ELMO1: variants seen among roughly 807,000 people sequenced by gnomAD.
ELMO1 encodes engulfment and cell motility 1.
In ELMO1, 26 loss-of-function variants were observed where a neutral mutation model predicts 98.9. That is an observed-to-expected ratio of 0.26 (90% CI 0.19 to 0.36). The LOEUF (loss-of-function observed/expected upper bound fraction) is 0.36, where lower values mean the gene tolerates loss of function less well. ELMO1 is among the 10% of genes least tolerant of loss of function. ELMO1 has a pLI of 1.00. For synonymous variants in ELMO1, 346 were observed against 346.0 expected, an observed-to-expected ratio of 1.00 and a Z score of 0.00; for missense variants, 627 against 935.2, an observed-to-expected ratio of 0.67 and a Z score of 4.30.
intron 7 of ELMO1, among the ~76,000 whole-genome samples, chr7:37,238,601 G>A (rs1348358725): frequency 2.6e-5 from 4 of 152,152 alleles, no homozygotes; most frequent in African/African-American, 4.8e-5. Context: ...GAACAGAACT[G>A]CAGAAAGCAA....
intron 13 of ELMO1, among the ~76,000 whole-genome samples, chr7:37,138,212 G>C (rs1787388610): frequency 6.6e-6 from 1 of 151,180 alleles, no homozygotes; most frequent in East Asian, 1.9e-4. Context: ...GAAGATCAGA[G>C]CAGAACTAAA....
At chr7:37,331,907 C>T (rs1224465695) in intron 2 of ELMO1, among the ~76,000 whole-genome samples, 3 of 6,576 alleles carry the variant, frequency 4.6e-4, no homozygotes, top group African/African-American at 2.2e-3. Context: ...GTGGGAGGAA[C>T]AACAAGGACC....
At chr7:37,159,297 A>G (rs1789030641) in intron 13 of ELMO1, among the ~76,000 whole-genome samples, 1 of 152,238 alleles carries the variant, frequency 6.6e-6, no homozygotes, top group Admixed American at 6.5e-5. Context: ...AACTTAAAGT[A>G]TAATAATAAA....
intron 13 of ELMO1, among the ~76,000 whole-genome samples, chr7:37,152,067 A>T (rs146200845): frequency 1.5e-4 from 23 of 152,338 alleles, no homozygotes; most frequent in African/African-American, 4.3e-4. Flanking sequence ...GGTAAATAGC[A>T]TGTGAATGCC....
At chr7:37,327,161 C>T (rs1484714193) in intron 2 of ELMO1, among the ~76,000 whole-genome samples, 1 of 152,186 alleles carries the variant, frequency 6.6e-6, no homozygotes, top group African/African-American at 2.4e-5. Flanking sequence ...CACAGAAGGC[C>T]ACTGCACTCC....
intron 16 of ELMO1, among the ~76,000 whole-genome samples, chr7:36,947,269 A>G (rs1267110223): frequency 6.6e-6 from 1 of 152,246 alleles, no homozygotes; most frequent in African/African-American, 2.4e-5. Flanking sequence ...TGAGCAGGAC[A>G]GTATCTCCAT....
At chr7:37,159,898 G>C (rs1411419018) in intron 13 of ELMO1, among the ~76,000 whole-genome samples, 1 of 152,106 alleles carries the variant, frequency 6.6e-6, no homozygotes, top group African/African-American at 2.4e-5. Context: ...CTGAGTGGTA[G>C]GCACATACAT....
At chr7:37,295,685 T>C (rs1382484028) in intron 4 of ELMO1, among the ~76,000 whole-genome samples, 2 of 152,168 alleles carry the variant, frequency 1.3e-5, no homozygotes, top group Admixed American at 6.5e-5. Context: ...TTTCAAATAA[T>C]GGAAACTTTT....
chr7:37,025,919 A>ATCTG (rs1342627959), intron 15 of ELMO1, among the ~76,000 whole-genome samples: 1 of 149,374 alleles, frequency 6.7e-6, no homozygotes, highest in Non-Finnish European at 1.5e-5. Flanking sequence ...CTATCTATCT[A>ATCTG]TCTATCTATC....
intron 15 of ELMO1, among the ~76,000 whole-genome samples, chr7:37,074,643 T>C (rs1044556140): frequency 3.9e-5 from 6 of 152,210 alleles, no homozygotes; most frequent in Non-Finnish European, 8.8e-5. Context: ...TGAATTATAC[T>C]TAGCCTGGAT....
chr7:37,309,568 C>T (rs545381569), intron 4 of ELMO1, among the ~76,000 whole-genome samples: 1 of 152,284 alleles, frequency 6.6e-6, no homozygotes, highest in East Asian at 1.9e-4. Context: ...CCAAAGGCAG[C>T]ACGAAAGGGA....
chr7:37,344,393 AAGAG>A (rs2131268886), intron 1 of ELMO1, among the ~76,000 whole-genome samples: 1 of 152,224 alleles, frequency 6.6e-6, no homozygotes, highest in South Asian at 2.1e-4. Flanking sequence ...TGTTAGTACA[AAGAG>A]AGCATCTTGA....
chr7:36,941,770 T>C (rs983518312), intron 16 of ELMO1, among the ~76,000 whole-genome samples: 1 of 152,150 alleles, frequency 6.6e-6, no homozygotes, highest in African/African-American at 2.4e-5. Flanking sequence ...TTTCAAAGGA[T>C]TGAACTCATC....
intron 1 of ELMO1, chr7:37,375,841 A>G (rs1802318339): frequency 2.7e-6 from 2 of 753,332 alleles, no homozygotes; most frequent in South Asian, 1.4e-5. Flanking sequence ...GCCTCGGCCT[A>G]AAGGTCTGGA....
At chr7:37,433,691 G>A (rs373892113) in intron 1 of ELMO1, among the ~76,000 whole-genome samples, 1 of 152,026 alleles carries the variant, frequency 6.6e-6, no homozygotes, top group African/African-American at 2.4e-5. Flanking sequence ...ACTTGAACAC[G>A]GGCCCCAGGG....
intron 15 of ELMO1, among the ~76,000 whole-genome samples, chr7:37,064,298 ATAGAGAAAATTGAACCATTG>A: frequency 6.6e-6 from 1 of 152,286 alleles, no homozygotes; most frequent in African/African-American, 2.4e-5. Flanking sequence ...TGCATCCTTC[ATAGAGAAAATTGAACCATTG>A]GTATGGAGCT....
At chr7:37,362,708 T>C (rs1177744946) in intron 1 of ELMO1, among the ~76,000 whole-genome samples, 1 of 152,166 alleles carries the variant, frequency 6.6e-6, no homozygotes, top group Non-Finnish European at 1.5e-5. Flanking sequence ...AAAACTGAAC[T>C]CTTTCCTCCA....
intron 13 of ELMO1, 85 bp from the exon 14 acceptor site, chr7:37,133,319 T>G: frequency 1.0e-6 from 1 of 1,004,440 alleles, no homozygotes; most frequent in Non-Finnish European, 1.5e-6. Flanking sequence ...TCCTCAAGAG[T>G]GAAGTGCTAC....
At chr7:37,163,290 TC>T (rs1789358365) in intron 13 of ELMO1, among the ~76,000 whole-genome samples, 1 of 152,056 alleles carries the variant, frequency 6.6e-6, no homozygotes, top group African/African-American at 2.4e-5. Context: ...CTCCTGTAAT[TC>T]TTTTTATTAT....
Sources: gnomAD v4.1 joint callset for allele counts (sites outside exome capture counted in the v4.1 genomes callset) on GRCh38, gnomAD v4.1.1 for gene constraint, MANE v1.5 for transcripts, NCBI Gene and HGNC (gene_info 2026-07-23, HGNC 2026-07-21) for gene names.